The following MRC1 variants were observed in gnomAD, a reference collection of about 807,000 sequenced individuals.
The protein encoded by MRC1 is mannose receptor C-type 1.
MRC1 carries 62 observed loss-of-function variants against 102.9 expected under a neutral mutation model. That is an observed-to-expected ratio of 0.60 (90% CI 0.49 to 0.74). MRC1 has a LOEUF of 0.74. Among genes scored for constraint, MRC1 ranks in the 30% least tolerant of loss-of-function variants. The pLI, the probability that MRC1 is intolerant of heterozygous loss-of-function variation, is 0.00. For missense variants in MRC1, 1,237 were observed against 862.8 expected (o/e 1.43, Z -5.43); for synonymous variants, 457 against 298.4 (o/e 1.53, Z -5.48).
intron 6 of MRC1, among the ~76,000 whole-genome samples, chr10:17,845,730 C>A (rs1838817081): frequency 6.6e-6 from 1 of 152,080 alleles, no homozygotes; most frequent in Non-Finnish European, 1.5e-5. Flanking sequence ...AAAAGATATT[C>A]AGAGGATACA....
chr10:17,858,032 C>G (rs1833121256), intron 9 of MRC1, among the ~76,000 whole-genome samples: 1 of 152,108 alleles, frequency 6.6e-6, no homozygotes, highest in Non-Finnish European at 1.5e-5. Context: ...GATATACCAC[C>G]AGGATCTTCA....
intron 4 of MRC1, among the ~76,000 whole-genome samples, chr10:17,835,988 G>GA (rs1173739612): frequency 4.8e-4 from 73 of 152,336 alleles, no homozygotes; most frequent in African/African-American, 1.7e-3. Flanking sequence ...GCAGAGCAGA[G>GA]AGGCTGAGAG....
intron 6 of MRC1, among the ~76,000 whole-genome samples, chr10:17,848,289 T>C (rs915390716): frequency 8.5e-5 from 13 of 152,246 alleles, no homozygotes; most frequent in African/African-American, 2.9e-4. Flanking sequence ...AAATTACTGT[T>C]TGAAATAGTA....
At chr10:17,862,274 T>A (rs1340684569) in intron 10 of MRC1, among the ~76,000 whole-genome samples, 1 of 152,206 alleles carries the variant, frequency 6.6e-6, no homozygotes, top group Non-Finnish European at 1.5e-5. Context: ...ATAGTCTTTA[T>A]AAAAGAACTG....
At chr10:17,873,002 TAGA>T (rs1338691983) in intron 15 of MRC1, among the ~76,000 whole-genome samples, 8 of 152,200 alleles carry the variant, frequency 5.3e-5, no homozygotes, top group African/African-American at 1.9e-4. Flanking sequence ...GTTTCCAGAA[TAGA>T]AGAAGTCAGT....
intron 24 of MRC1, among the ~76,000 whole-genome samples, chr10:17,898,518 A>T (rs1369529641): frequency 2.0e-5 from 3 of 152,254 alleles, no homozygotes; most frequent in Admixed American, 1.3e-4. Context: ...ATTGCATTAG[A>T]CTATGAAAAT....
intron 6 of MRC1, among the ~76,000 whole-genome samples, chr10:17,848,662 T>A (rs1360487421): frequency 1.3e-5 from 2 of 152,238 alleles, no homozygotes; most frequent in Non-Finnish European, 1.5e-5. Flanking sequence ...GTGTTAGTAC[T>A]AATCTCATTT....
At chr10:17,901,863 A>AT in intron 25 of MRC1, 110 bp from the exon 26 acceptor site, 2 of 767,994 alleles carry the variant, frequency 2.6e-6, no homozygotes, top group East Asian at 2.4e-5. Flanking sequence ...CCATTGGAAG[A>AT]TTTTTTAAAA....
At chr10:17,909,118 A>G (rs2130727885) in intron 28 of MRC1, among the ~76,000 whole-genome samples, 188 bp from the exon 29 acceptor site, 1 of 152,336 alleles carries the variant, frequency 6.6e-6, no homozygotes, top group South Asian at 2.1e-4. Context: ...ATAGGTAGGT[A>G]GATATATAGA....
intron 18 of MRC1, among the ~76,000 whole-genome samples, chr10:17,878,909 G>A (rs1383951495): frequency 6.6e-6 from 1 of 152,086 alleles, no homozygotes; most frequent in Non-Finnish European, 1.5e-5. Context: ...AAGTGAAAAG[G>A]TCAAATTTCA....
intron 3 of MRC1, among the ~76,000 whole-genome samples, chr10:17,831,790 A>T (rs1389947590): frequency 6.6e-6 from 1 of 151,722 alleles, no homozygotes; most frequent in African/African-American, 2.4e-5. Context: ...AGCATGCCAA[A>T]ATATTTCATT....
intron 12 of MRC1, 37 bp downstream of exon 12, chr10:17,866,798 AGT>A (rs1394990738): frequency 9.0e-6 from 7 of 780,652 alleles, no homozygotes; most frequent in African/African-American, 3.4e-5. Flanking sequence ...GAGAATCTGG[AGT>A]ATGCTTCAGC....
chr10:17,870,437 A>T, intron 13 of MRC1, 64 bp downstream of exon 13: 1 of 779,164 alleles, frequency 1.3e-6, no homozygotes, highest in South Asian at 1.3e-5. Context: ...AAGTTGAGAA[A>T]ATTTGTCTGT....
chr10:17,878,101 G>GA, intron 18 of MRC1, 134 bp downstream of exon 18: 1 of 631,928 alleles, frequency 1.6e-6, no homozygotes, highest in Non-Finnish European at 2.9e-6. Context: ...AAAGCAACTT[G>GA]AAAAAAGGAA....
At chr10:17,908,720 C>T (rs967779813) in intron 28 of MRC1, among the ~76,000 whole-genome samples, 150 of 152,282 alleles carry the variant, frequency 9.9e-4, no homozygotes, top group African/African-American at 3.5e-3. Context: ...AGGCGCACGC[C>T]ACTATGCCCA....
chr10:17,831,532 C>T (rs1302429971), intron 3 of MRC1, among the ~76,000 whole-genome samples: 1 of 151,348 alleles, frequency 6.6e-6, no homozygotes, highest in Non-Finnish European at 1.5e-5. Flanking sequence ...ACAAAAAGGT[C>T]TATGATCGCT....
chr10:17,888,619 T>C (rs1435758099), intron 22 of MRC1, among the ~76,000 whole-genome samples: 1 of 152,252 alleles, frequency 6.6e-6, no homozygotes, highest in African/African-American at 2.4e-5. Flanking sequence ...CATTGTGGTC[T>C]TAGAGAATAG....
chr10:17,867,929 G>A (rs1564620512), intron 12 of MRC1, among the ~76,000 whole-genome samples: 1 of 152,188 alleles, frequency 6.6e-6, no homozygotes, highest in Non-Finnish European at 1.5e-5. Context: ...GGAAATGATA[G>A]GTTGGGGCAC....
intron 5 of MRC1, among the ~76,000 whole-genome samples, chr10:17,841,306 CA>C (rs1421962061): frequency 6.6e-6 from 1 of 152,128 alleles, no homozygotes; most frequent in Admixed American, 6.6e-5. Context: ...GAGGTATTTG[CA>C]ATATTGCTGT....
Sources: allele counts gnomAD v4.1 joint callset (sites outside exome capture counted in the v4.1 genomes callset), GRCh38; gene constraint gnomAD v4.1.1; transcripts MANE v1.5; gene names NCBI Gene and HGNC (gene_info 2026-07-23, HGNC 2026-07-21).